Variants in ZDHHC21 observed in about 807,000 individuals in gnomAD.
ZDHHC21 encodes the protein palmitoyltransferase ZDHHC21.
A neutral mutation model predicts 34.6 loss-of-function variants in ZDHHC21; 15 were observed. That is an observed-to-expected ratio of 0.43 (90% CI 0.29 to 0.67). The LOEUF is 0.67. Ranked by LOEUF, ZDHHC21 falls within the 30% of genes least tolerant of loss-of-function variation. The pLI is 0.14. For synonymous variants in ZDHHC21, 142 were observed against 101.8 expected, an observed-to-expected ratio of 1.40 and a Z score of -2.38; for missense variants, 344 against 327.7, an observed-to-expected ratio of 1.05 and a Z score of -0.38.
chr9:14,691,441 C>G (rs1475056180), intron 1 of ZDHHC21, among the ~76,000 whole-genome samples: 10 of 152,170 alleles, frequency 6.6e-5, no homozygotes, highest in Non-Finnish European at 1.3e-4. Context: ...TTTATTCATG[C>G]ATTTTTCCAC....
intron 8 of ZDHHC21, among the ~76,000 whole-genome samples, chr9:14,634,628 C>T (rs918305812): frequency 3.9e-5 from 6 of 152,200 alleles, no homozygotes; most frequent in African/African-American, 1.4e-4. Flanking sequence ...AACTATAATA[C>T]TGCACATTCC....
At chr9:14,682,515 T>A (rs1449525556) in intron 2 of ZDHHC21, among the ~76,000 whole-genome samples, 2 of 152,146 alleles carry the variant, frequency 1.3e-5, no homozygotes, top group African/African-American at 4.8e-5. Flanking sequence ...ATGCACCCAA[T>A]ACAGGAGCAC....
At chr9:14,672,801 G>T in intron 5 of ZDHHC21, 29 bp downstream of exon 5, 3 of 1,489,796 alleles carry the variant, frequency 2.0e-6, no homozygotes, top group Non-Finnish European at 2.8e-6. Flanking sequence ...TCTGGCATCA[G>T]CAAAACTGAT....
intron 8 of ZDHHC21, among the ~76,000 whole-genome samples, chr9:14,639,062 T>C (rs1236728976): frequency 2.6e-5 from 4 of 152,174 alleles, no homozygotes; most frequent in African/African-American, 9.6e-5. Flanking sequence ...CACTTGCACG[T>C]TTATCACAGC....
At chr9:14,690,425 T>C (rs75806391) in intron 1 of ZDHHC21, 40 bp from the exon 2 acceptor site, 5,727 of 446,394 alleles carry the variant, frequency 0.013, 290 homozygotes, top group African/African-American at 0.11. Context: ...AGAAGCTTGG[T>C]TGACATCACA....
chr9:14,685,690 C>T (rs1838195180), intron 2 of ZDHHC21, among the ~76,000 whole-genome samples: 1 of 151,996 alleles, frequency 6.6e-6, no homozygotes, highest in South Asian at 2.1e-4. Context: ...TTGACCCAGC[C>T]ATCCCATTAC....
intron 5 of ZDHHC21, among the ~76,000 whole-genome samples, chr9:14,664,421 C>A (rs9298703): frequency 5.3e-5 from 8 of 149,894 alleles, no homozygotes; most frequent in African/African-American, 1.5e-4. Context: ...AGGCGGCAGC[C>A]AGGCTGGGGG....
intron 4 of ZDHHC21, among the ~76,000 whole-genome samples, chr9:14,673,209 T>C (rs1835791830): frequency 6.6e-6 from 1 of 151,982 alleles, no homozygotes; most frequent in Non-Finnish European, 1.5e-5. Context: ...AGGGACTTCC[T>C]ATTAATAATG....
intron 8 of ZDHHC21, among the ~76,000 whole-genome samples, chr9:14,637,681 G>C (rs1201538221): frequency 1.3e-5 from 2 of 151,904 alleles, no homozygotes; most frequent in African/African-American, 4.8e-5. Context: ...ATTCGGTAAA[G>C]TCACAGGATA....
intron 3 of ZDHHC21, among the ~76,000 whole-genome samples, chr9:14,674,855 A>G (rs1384161669): frequency 1.3e-5 from 2 of 151,980 alleles, no homozygotes; most frequent in Non-Finnish European, 2.9e-5. Flanking sequence ...TATTAACTGA[A>G]AAGGAACATG....
chr9:14,604,794 G>C, the ZDHHC21 span, among the ~76,000 whole-genome samples: 1 of 152,086 alleles, frequency 6.6e-6, no homozygotes, highest in African/African-American at 2.4e-5. Context: ...AGTACTATAA[G>C]CATAATGTTA....
chr9:14,644,817 T>TAA (rs1254058314), intron 7 of ZDHHC21, among the ~76,000 whole-genome samples: 1 of 139,242 alleles, frequency 7.2e-6, no homozygotes, highest in Admixed American at 7.2e-5. Context: ...CATACATATG[T>TAA]ATACACACAC....
intron 8 of ZDHHC21, among the ~76,000 whole-genome samples, chr9:14,620,948 C>G (rs1410027088): frequency 6.6e-6 from 1 of 152,134 alleles, no homozygotes; most frequent in East Asian, 1.9e-4. Flanking sequence ...TAACCTTTCT[C>G]TGCTCCGTTG....
At chr9:14,652,907 T>C (rs1405338946) in intron 7 of ZDHHC21, among the ~76,000 whole-genome samples, 2 of 151,906 alleles carry the variant, frequency 1.3e-5, no homozygotes, top group African/African-American at 4.8e-5. Flanking sequence ...CCATTCAGCT[T>C]TGGAATTTAA....
intron 8 of ZDHHC21, among the ~76,000 whole-genome samples, chr9:14,633,510 G>A (rs1394033866): frequency 6.6e-6 from 1 of 152,114 alleles, no homozygotes; most frequent in Admixed American, 6.5e-5. Flanking sequence ...CACAGCCTTT[G>A]AGCCCTAAGC....
chr9:14,671,752 C>T (rs1835483605), intron 5 of ZDHHC21, among the ~76,000 whole-genome samples: 1 of 151,946 alleles, frequency 6.6e-6, no homozygotes. Flanking sequence ...CAACTGTGGG[C>T]ATACAAAAAC....
At chr9:14,676,532 A>G (rs1472368750) in intron 3 of ZDHHC21, among the ~76,000 whole-genome samples, 1 of 151,962 alleles carries the variant, frequency 6.6e-6, no homozygotes, top group Admixed American at 6.6e-5. Flanking sequence ...CAAAAAAAGA[A>G]CTCAAATGTA....
At chr9:14,657,210 C>A (rs970766278) in intron 7 of ZDHHC21, among the ~76,000 whole-genome samples, 22 of 151,984 alleles carry the variant, frequency 1.4e-4, no homozygotes, top group Non-Finnish European at 2.7e-4. Context: ...TACTGTAAAA[C>A]GGTCTCTAAA....
intron 5 of ZDHHC21, among the ~76,000 whole-genome samples, chr9:14,667,284 C>T (rs1479136907): frequency 6.7e-6 from 1 of 148,466 alleles, no homozygotes; most frequent in African/African-American, 2.5e-5. Flanking sequence ...CATACACTCT[C>T]CCAAGACTAA....
Sources: gnomAD v4.1 joint callset for allele counts (sites outside exome capture counted in the v4.1 genomes callset) on GRCh38, gnomAD v4.1.1 for gene constraint, MANE v1.5 for transcripts, NCBI Gene and HGNC (gene_info 2026-07-23, HGNC 2026-07-21) for gene names.